GPRC5A: variants seen among roughly 807,000 people sequenced by gnomAD.
The protein encoded by GPRC5A is retinoic acid-induced protein 3.
A neutral mutation model predicts 22.5 loss-of-function variants in GPRC5A; 19 were observed. The observed-to-expected ratio is 0.85, with a 90% CI of 0.59 to 1.24. The LOEUF (loss-of-function observed/expected upper bound fraction) is 1.24. Ranked by LOEUF, GPRC5A falls within the 50% of genes most tolerant of loss-of-function variation. The pLI is 0.00. For missense variants in GPRC5A, 471 were observed against 451.1 expected, an observed-to-expected ratio of 1.04 and a Z score of -0.40; for synonymous variants, 192 against 184.5, an observed-to-expected ratio of 1.04 and a Z score of -0.33.
chr12:12,902,265 G>A (rs535236485), intron 1 of GPRC5A, among the ~76,000 whole-genome samples: 2 of 151,912 alleles, frequency 1.3e-5, no homozygotes, highest in Non-Finnish European at 2.9e-5. Context: ...GGGATGGGGT[G>A]GGGGAGGCTA....
At chr12:12,908,164 C>CT (rs1466604961) in intron 1 of GPRC5A, 79 bp from the exon 2 acceptor site, 10 of 1,019,560 alleles carry the variant, frequency 9.8e-6, no homozygotes, top group Admixed American at 2.8e-5. Flanking sequence ...TTTCCTAATC[C>CT]TTTTTTAGTC....
At chr12:12,911,239 A>T (rs1048775475) in intron 2 of GPRC5A, among the ~76,000 whole-genome samples, 1 of 152,168 alleles carries the variant, frequency 6.6e-6, no homozygotes, top group African/African-American at 2.4e-5. Context: ...GGTGGGAAAT[A>T]AATGAATTGC....
At position 12,913,674 on chromosome 12, in the gene GPRC5A, T is replaced by C. The variant is rs1442240370; in HGVS notation, c.*1135T>C. On this transcript the variant is annotated 3_prime_UTR_variant, in exon 4 of 4. Coordinates refer to ENST00000014914, the MANE Select transcript of GPRC5A (RefSeq NM_003979.4). Reference sequence around the variant, plus strand: ...GGCAGCAGTTACCAGTAATGAGCATTAGACTCTGGGGGATAGAACACGGGC... The same window carrying C: ...GGCAGCAGTTACCAGTAATGAGCATCAGACTCTGGGGGATAGAACACGGGC... The C allele has an allele frequency of 1.3e-5, 2 of 152,182 alleles. No individual in the cohort carries two copies. The highest frequency in any genetic ancestry group is 2.9e-5 in the Non-Finnish European group (2 of 68,052). The allele number at this position is 152,182 out of a possible 1,614,324, so 9.4% of individuals were successfully genotyped here. A position where few individuals can be genotyped will look rare whatever the true frequency, so the allele number is the denominator to read the frequency against.
intron 1 of GPRC5A, among the ~76,000 whole-genome samples, chr12:12,907,062 A>C (rs1863949266): frequency 6.6e-6 from 1 of 151,264 alleles, no homozygotes; most frequent in Non-Finnish European, 1.5e-5. Flanking sequence ...CTAAAAAAAA[A>C]AAAACAAAAA....
intron 1 of GPRC5A, among the ~76,000 whole-genome samples, chr12:12,892,536 T>A (rs1863772830): frequency 6.6e-6 from 1 of 151,988 alleles, no homozygotes; most frequent in South Asian, 2.1e-4. Flanking sequence ...CCTGGTTAAT[T>A]TTGTATTTTT....
At position 12,908,295 on chromosome 12, in the gene GPRC5A, A is replaced by G. The variant is rs1863963704; in HGVS notation, c.46A>G (p.Lys16Glu). Residue 16 changes from lysine (K) to glutamate (E), a missense_variant, in exon 2 of 4, where the codon AAG becomes GAG. Coordinates refer to ENST00000014914, the MANE Select transcript of GPRC5A (RefSeq NM_003979.4). ...TGGTTGCCGCAATGGCCTGAAATCC[A>G]AGTACTACAGACTTTGTGATAAGGC... ...PDGCRNGLKSKYYRLCDKAEA... is the reference protein window; with the variant it reads ...PDGCRNGLKSEYYRLCDKAEA... 1 of 1,608,626 alleles carries G rather than the reference A, an allele frequency of 6.2e-7. No homozygotes were observed.
At position 12,912,828 on chromosome 12, in the gene GPRC5A, T is replaced by C. The variant is rs974175198; in HGVS notation, c.*289T>C. 5.7e-6 allele frequency: 2 copies of C among 352,962 alleles called. No individual in the cohort carries two copies. The highest frequency in any genetic ancestry group is 5.1e-6 in the Non-Finnish European group (1 of 196,470). 21.9% of individuals were successfully genotyped at this position (352,962 alleles called of 1,614,324 possible). A position where few individuals can be genotyped will look rare whatever the true frequency, so the allele number is the denominator to read the frequency against. The stretch of plus-strand genomic sequence containing the variant: ...CTCAAGTTTAGACCCTTACTCTTTT[T>C]GTTTGTTTTTTGAAACAGGATCTTG... On this transcript the variant is annotated 3_prime_UTR_variant, in exon 4 of 4. Transcript: ENST00000014914.
intron 1 of GPRC5A, among the ~76,000 whole-genome samples, chr12:12,907,241 C>T (rs1331985977): frequency 6.9e-6 from 1 of 144,240 alleles, no homozygotes; most frequent in East Asian, 2.1e-4. Context: ...ACTAAAAATA[C>T]AAAAAAAAAA....
chr12:12,908,285 C>G lies in GPRC5A; in HGVS notation c.36C>G (p.Gly12=). The G allele has an allele frequency of 1.9e-6, 3 of 1,604,740 alleles. No homozygotes were observed. Among genetic ancestry groups the G allele is most frequent in the Non-Finnish European group, 2.6e-6 (3 of 1,175,720 alleles). ...CAGTCCCTGATGGTTGCCGCAATGGCCTGAAATCCAAGTACTACAGACTTT... is the reference window on the plus strand; with the variant it reads ...CAGTCCCTGATGGTTGCCGCAATGGGCTGAAATCCAAGTACTACAGACTTT... ...ATTVPDGCRN[G]LKSKYYRLCD... The change falls in exon 2 of 4, where the codon GGC becomes GGG. Residue 12 remains glycine (G), a synonymous_variant. Coordinates refer to ENST00000014914, the MANE Select transcript of GPRC5A (RefSeq NM_003979.4).
chr12:12,903,710 T>C (rs1863912154), intron 1 of GPRC5A, among the ~76,000 whole-genome samples: 1 of 152,194 alleles, frequency 6.6e-6, no homozygotes, highest in Non-Finnish European at 1.5e-5. Flanking sequence ...CCCACTGCCA[T>C]TACTTTTGTT....
chr12:12,892,110 C>T (rs1238204717), intron 1 of GPRC5A: 5 of 152,208 alleles, frequency 3.3e-5, no homozygotes, highest in Admixed American at 2.0e-4. Context: ...GTGACAGCTA[C>T]TATTTTACCC....
Position 12,908,502 on chromosome 12 carries a change from T to G in GPRC5A, c.253T>G (p.Phe85Val), listed in dbSNP as rs1201147272. 1.2e-6 allele frequency: 2 copies of G among 1,614,056 alleles called. No homozygotes were observed. The highest frequency in any genetic ancestry group is 1.7e-6 in the Non-Finnish European group (2 of 1,180,044). ...VLGIFGLTFA[F>V]IIGLDGSTGP... ...GGGCATCTTTGGCCTCACCTTCGCC[T>G]TCATCATCGGACTGGACGGGAGCAC... The change falls in exon 2 of 4, where the codon TTC becomes GTC. Residue 85 changes from phenylalanine to valine, a missense_variant. Transcript: ENST00000014914.
intron 1 of GPRC5A, among the ~76,000 whole-genome samples, chr12:12,892,962 G>A (rs574743223): frequency 1.1e-3 from 162 of 152,310 alleles, no homozygotes; most frequent in Non-Finnish European, 1.7e-3. Context: ...TCTGCTAGGT[G>A]AGGGAAGGAA....
intron 1 of GPRC5A, among the ~76,000 whole-genome samples, chr12:12,898,563 A>ACCATATAT (rs1198916548): frequency 6.6e-6 from 1 of 151,962 alleles, no homozygotes; most frequent in African/African-American, 2.4e-5. Context: ...AAGAAAGGAA[A>ACCATATAT]CCATATATGG....
At chr12:12,905,954 A>G (rs372743991) in intron 1 of GPRC5A, among the ~76,000 whole-genome samples, 2 of 152,190 alleles carry the variant, frequency 1.3e-5, no homozygotes, top group South Asian at 2.1e-4. Context: ...GAGTGGAACC[A>G]GAGTCATAAT....
intron 1 of GPRC5A, among the ~76,000 whole-genome samples, chr12:12,898,310 A>G (rs1345733726): frequency 6.6e-6 from 1 of 152,212 alleles, no homozygotes; most frequent in Non-Finnish European, 1.5e-5. Context: ...AGGCGGGCAG[A>G]TCACCTGAGC....
At chr12:12,910,340 C>G (rs750295439) in intron 2 of GPRC5A, among the ~76,000 whole-genome samples, 1 of 152,164 alleles carries the variant, frequency 6.6e-6, no homozygotes, top group Admixed American at 6.5e-5. Context: ...CCCTCCTGTC[C>G]GTTCCGTGGC....
At chr12:12,893,056 G>A (rs959814104) in intron 1 of GPRC5A, among the ~76,000 whole-genome samples, 4 of 152,308 alleles carry the variant, frequency 2.6e-5, no homozygotes, top group African/African-American at 9.6e-5. Flanking sequence ...TGCCTCAAGG[G>A]CAGAATGGAA....
At position 12,911,536 on chromosome 12, in the gene GPRC5A, TG is replaced by T. The variant is rs1163606409; in HGVS notation, c.923-546del. Reference sequence around the variant, plus strand: ...CAGAGTCTTGTTCTGTCGCCCAGGCTGGAGTGCAGTGGTGCGATCTCGGCTC... The same window carrying T: ...CAGAGTCTTGTTCTGTCGCCCAGGCTGAGTGCAGTGGTGCGATCTCGGCTC... On this transcript the variant is annotated intron_variant, in intron 2 of 3. Transcript: ENST00000014914. Among the ~76,000 whole-genome samples, 10 of 151,866 alleles carry T rather than the reference TG, an allele frequency of 6.6e-5. No individual in the cohort carries two copies. The East Asian group carries it at 1.4e-3, about 21-fold the overall frequency.
Sources: allele counts gnomAD v4.1 joint callset (sites outside exome capture counted in the v4.1 genomes callset), GRCh38; gene constraint gnomAD v4.1.1; transcripts MANE v1.5; gene names NCBI Gene and HGNC (gene_info 2026-07-23, HGNC 2026-07-21).